The following GRM5 variants were observed in gnomAD, a reference collection of about 807,000 sequenced individuals.
GRM5 encodes metabotropic glutamate receptor 5.
Under a neutral mutation model 83.1 loss-of-function variants are expected in GRM5, and 19 were observed. That is an observed-to-expected ratio of 0.23 (90% confidence interval 0.16 to 0.34). GRM5 has a LOEUF of 0.34. Among genes scored for constraint, GRM5 ranks in the 10% least tolerant of loss-of-function variants. The pLI is 1.00. For synonymous variants in GRM5, 675 were observed against 633.6 expected (o/e 1.07, Z -0.98); for missense variants, 1,160 against 1,588.3 (o/e 0.73, Z 4.58).
chr11:88,536,141 C>T (rs1325403059), intron 8 of GRM5, among the ~76,000 whole-genome samples: 1 of 152,156 alleles, frequency 6.6e-6, no homozygotes, highest in East Asian at 1.9e-4. Flanking sequence ...AATGATTCAG[C>T]TCATAGTACT....
chr11:88,980,648 C>T (rs2060906045), intron 2 of GRM5, among the ~76,000 whole-genome samples: 1 of 151,940 alleles, frequency 6.6e-6, no homozygotes, highest in Non-Finnish European at 1.5e-5. Context: ...TGGTGAGCCC[C>T]CGTCTCTACT....
chr11:88,548,916 AG>A (rs561655483), intron 8 of GRM5, among the ~76,000 whole-genome samples: 227 of 152,316 alleles, frequency 1.5e-3, no homozygotes, highest in South Asian at 2.5e-3. Context: ...GCACCAAATT[AG>A]TTGCTGAGGG....
At position 88,784,888 on chromosome 11, in the gene GRM5, C is replaced by T. The variant is rs527411408; in HGVS notation, c.911+65018G>A. ...AACTGTTCTATCCATCACATAATCT[C>T]TTCTTGTAAATTTATCATGAAATAT... On this transcript the variant is annotated intron_variant, in intron 3 of 9. Transcript: ENST00000305447. Among the ~76,000 whole-genome samples, 6 of 152,180 alleles carry T rather than the reference C, an allele frequency of 3.9e-5. No homozygotes were observed. In the South Asian group the frequency reaches 1.2e-3, roughly 32 times the overall value.
At chr11:88,903,905 T>C (rs2135598479) in intron 2 of GRM5, among the ~76,000 whole-genome samples, 1 of 152,296 alleles carries the variant, frequency 6.6e-6, no homozygotes, top group East Asian at 1.9e-4. Context: ...TTAAAAAAGA[T>C]GTGACAGATT....
At chr11:88,826,848 C>T (rs1015329821) in intron 3 of GRM5, among the ~76,000 whole-genome samples, 20 of 152,038 alleles carry the variant, frequency 1.3e-4, no homozygotes, top group Non-Finnish European at 1.0e-4. Context: ...TGGTAATCAC[C>T]AACTTTTTCA....
intron 2 of GRM5, among the ~76,000 whole-genome samples, chr11:88,944,615 C>A (rs1451236273): frequency 2.6e-5 from 4 of 151,514 alleles, no homozygotes; most frequent in Non-Finnish European, 5.9e-5. Context: ...CTCCAGATAA[C>A]CTGTTTTTTT....
intron 3 of GRM5, among the ~76,000 whole-genome samples, chr11:88,675,682 G>A (rs1419177179): frequency 6.6e-6 from 1 of 151,958 alleles, no homozygotes; most frequent in East Asian, 1.9e-4. Context: ...GAAAAGACAA[G>A]ACTTAAACTG....
At chr11:89,004,315 G>A (rs1940466613) in intron 2 of GRM5, among the ~76,000 whole-genome samples, 1 of 152,002 alleles carries the variant, frequency 6.6e-6, no homozygotes, top group African/African-American at 2.4e-5. Context: ...ATTTTATTGG[G>A]GGTAGATTAT....
chr11:88,527,767 G>A (rs1315719145), intron 8 of GRM5, among the ~76,000 whole-genome samples: 2 of 152,012 alleles, frequency 1.3e-5, no homozygotes, highest in African/African-American at 4.8e-5. Context: ...GTCATAAAAA[G>A]AATGAGATCA....
chr11:88,946,046 A>C (rs1451549765), intron 2 of GRM5, among the ~76,000 whole-genome samples: 3 of 152,098 alleles, frequency 2.0e-5, no homozygotes, highest in Non-Finnish European at 4.4e-5. Flanking sequence ...AACAAGCATA[A>C]ATGAATAACC....
chr11:88,759,385 A>G (rs1447798295), intron 3 of GRM5, among the ~76,000 whole-genome samples: 6 of 152,204 alleles, frequency 3.9e-5, no homozygotes, highest in Non-Finnish European at 7.3e-5. Flanking sequence ...AGAAAAATCT[A>G]CCAAGCAAAC....
intron 2 of GRM5, among the ~76,000 whole-genome samples, chr11:88,975,714 A>G (rs1322413853): frequency 6.6e-6 from 1 of 152,198 alleles, no homozygotes; most frequent in Non-Finnish European, 1.5e-5. Flanking sequence ...AATGTTTGTG[A>G]AGCACTGCCA....
At position 89,023,594 on chromosome 11, in the gene GRM5, C is replaced by T. The variant is rs527463291; in HGVS notation, c.661+23618G>A. 2.0e-4 allele frequency among the ~76,000 whole-genome samples: 31 copies of T among 152,162 alleles called. No individual in the cohort carries two copies. In the Middle Eastern group the frequency reaches 0.017, roughly 83 times the overall value. ...GGGGCTGTGGCTCACGCCTGTAATC[C>T]CAGCACTTTGGGAGGCTGAGGCAGG... On this transcript the variant is annotated intron_variant, in intron 2 of 9. Coordinates refer to ENST00000305447, the MANE Select transcript of GRM5 (RefSeq NM_001143831.3).
chr11:89,000,012 C>T (rs991381261), intron 2 of GRM5, among the ~76,000 whole-genome samples: 6 of 152,064 alleles, frequency 3.9e-5, no homozygotes, highest in Non-Finnish European at 8.8e-5. Flanking sequence ...ACTGCATGTT[C>T]TCATTCACAG....
At chr11:88,793,559 A>T (rs1001468051) in intron 3 of GRM5, among the ~76,000 whole-genome samples, 12 of 152,164 alleles carry the variant, frequency 7.9e-5, no homozygotes, top group Non-Finnish European at 1.8e-4. Flanking sequence ...TAGTATTGGG[A>T]AGAATTTTAA....
rs141426264 is a variant in GRM5 at position 88,651,739 on chromosome 11, T to C, written c.1147+1429A>G. ...TCTCACACTATGTTGCAATGATTTC[T>C]GGATTTCATTGATGGGTGTATTATC... On this transcript the variant is annotated intron_variant, in intron 4 of 9. Transcript: ENST00000305447. Among the ~76,000 whole-genome samples the C allele has an allele frequency of 1.5e-3, 224 of 152,204 alleles. 1 individual carries two copies. The highest frequency in any genetic ancestry group is 5.1e-3 in the African/African-American group (212 of 41,564).
chr11:88,886,443 C>T (rs1240764799), intron 2 of GRM5, among the ~76,000 whole-genome samples: 2 of 152,178 alleles, frequency 1.3e-5, no homozygotes, highest in African/African-American at 4.8e-5. Context: ...GGGCCCCTTT[C>T]AGCCATTTAA....
intron 2 of GRM5, among the ~76,000 whole-genome samples, chr11:89,018,426 A>C (rs1281280838): frequency 6.6e-6 from 1 of 152,194 alleles, no homozygotes; most frequent in Admixed American, 6.5e-5. Context: ...AGCTGATGTC[A>C]CTTGCTGGGC....
intron 4 of GRM5, 109 bp downstream of exon 4, chr11:88,653,059 G>A: frequency 1.4e-6 from 1 of 691,584 alleles, no homozygotes; most frequent in Admixed American, 2.6e-5. Flanking sequence ...CTCTACTTAT[G>A]TAAGAGTCCT....
Sources: allele counts gnomAD v4.1 joint callset (sites outside exome capture counted in the v4.1 genomes callset), GRCh38; gene constraint gnomAD v4.1.1; transcripts MANE v1.5; gene names NCBI Gene and HGNC (gene_info 2026-07-23, HGNC 2026-07-21).